Variants in TIMM50 observed in about 807,000 individuals in gnomAD.
TIMM50 encodes translocase of inner mitochondrial membrane 50.
TIMM50 carries 34 observed loss-of-function variants against 49.6 expected under a neutral mutation model. The observed-to-expected ratio is 0.69, with a 90% confidence interval of 0.52 to 0.91. The LOEUF (loss-of-function observed/expected upper bound fraction) is 0.91, where lower values mean the gene tolerates loss of function less well. Among genes scored for constraint, TIMM50 ranks in the 40% least tolerant of loss-of-function variants. The pLI, the probability that TIMM50 is intolerant of heterozygous loss-of-function variation, is 0.00. For missense variants in TIMM50, 458 were observed against 477.8 expected (o/e 0.96, Z 0.39); for synonymous variants, 199 against 198.4 (o/e 1.00, Z -0.03).
Position 39,490,088 on chromosome 19 carries a change from G to C in TIMM50, c.*268G>C. On this transcript the variant is annotated 3_prime_UTR_variant, in exon 11 of 11. Transcript: ENST00000607714. Reference sequence around the variant, plus strand: ...GTCTCGGAATCTAAAAACCCTCGCTGTGTCTTCCTGTGTGTTGCGTGATCT... The same window carrying C: ...GTCTCGGAATCTAAAAACCCTCGCTCTGTCTTCCTGTGTGTTGCGTGATCT... 2 of 511,094 alleles carry C rather than the reference G, an allele frequency of 3.9e-6. No individual in the cohort carries two copies. Among genetic ancestry groups the C allele is most frequent in the South Asian group, 5.4e-5 (2 of 37,330 alleles). The allele number at this position is 511,094 out of a possible 1,614,324, so 31.7% of individuals were successfully genotyped here. A position where few individuals can be genotyped will look rare whatever the true frequency, so the allele number is the denominator to read the frequency against.
chr19:39,490,068 G>A lies in TIMM50; in HGVS notation c.*248G>A, dbSNP rs1298055002. On this transcript the variant is annotated 3_prime_UTR_variant, in exon 11 of 11. Coordinates refer to ENST00000607714, the MANE Select transcript of TIMM50 (RefSeq NM_001001563.5). ...AGAGCAGATTTTTCACCCTGGTCTC[G>A]GAATCTAAAAACCCTCGCTGTGTCT... The A allele has an allele frequency of 1.3e-5, 7 of 537,184 alleles. No homozygotes were observed. In the South Asian group the frequency reaches 1.3e-4, roughly 10 times the overall value. 33.3% of individuals were successfully genotyped at this position (537,184 alleles called of 1,614,324 possible).
Position 39,488,521 on chromosome 19 carries a change from C to A in TIMM50, c.854-18C>A. ...GGCCTTTAGAAGCCTGGCTGACCAC[C>A]CCCTGTTGTGCCCACAGCCATTGCA... On this transcript the variant is annotated intron_variant, in intron 9 of 10. Coordinates refer to ENST00000607714, the MANE Select transcript of TIMM50 (RefSeq NM_001001563.5). The A allele has an allele frequency of 1.2e-6, 2 of 1,609,148 alleles. No homozygotes were observed. The highest frequency in any genetic ancestry group is 1.7e-6 in the Non-Finnish European group (2 of 1,177,046).
intron 1 of TIMM50, among the ~76,000 whole-genome samples, chr19:39,481,598 C>T (rs777180621): frequency 1.5e-4 from 23 of 152,170 alleles, no homozygotes; most frequent in Non-Finnish European, 2.6e-4. Context: ...CCTTATTCTC[C>T]GTGCTTTGCT....
chr19:39,483,455 G>A, intron 4 of TIMM50: 1 of 428,402 alleles, frequency 2.3e-6, no homozygotes, highest in Admixed American at 4.0e-5. Flanking sequence ...CTTAGACCAA[G>A]CATCTGCGGT....
At chr19:39,481,428 G>T (rs8106642) in intron 1 of TIMM50, 53,288 of 227,048 alleles carry the variant, frequency 0.23, 7,505 homozygotes, top group African/African-American at 0.4. Flanking sequence ...CCAGACAAGT[G>T]ATTGCCCTTC....
chr19:39,487,269 T>C (rs1425297260), intron 8 of TIMM50, among the ~76,000 whole-genome samples: 3 of 151,930 alleles, frequency 2.0e-5, no homozygotes, highest in African/African-American at 7.3e-5. Flanking sequence ...TCCTGGGGGT[T>C]GTTTTGTTTT....
In TIMM50 at chr19:39,489,574, C is replaced by T. The variant is rs1218398584; in HGVS notation, c.961-145C>T. 8 of 782,286 alleles carry T rather than the reference C, an allele frequency of 1.0e-5. No individual in the cohort carries two copies. In the African/African-American group the frequency reaches 1.4e-4, roughly 14 times the overall value. The allele number at this position is 782,286 out of a possible 1,614,324, so 48.5% of individuals were successfully genotyped here. On this transcript the variant is annotated intron_variant, in intron 10 of 10. Coordinates refer to ENST00000607714, the MANE Select transcript of TIMM50 (RefSeq NM_001001563.5). ...GTCCCTTGTGTCTGGGCTGGGGGCC[C>T]CAGGGTTTGGGGAAAGGGGTCTGGA...
At chr19:39,487,561 G>A (rs1366893013) in intron 8 of TIMM50, among the ~76,000 whole-genome samples, 2 of 152,032 alleles carry the variant, frequency 1.3e-5, no homozygotes, top group African/African-American at 2.4e-5. Context: ...AGGTTCAAGC[G>A]ATTCTCTTTC....
intron 6 of TIMM50, 186 bp downstream of exon 6, chr19:39,485,993 GC>G: frequency 8.9e-7 from 1 of 1,121,944 alleles, no homozygotes; most frequent in Non-Finnish European, 1.3e-6. Context: ...GTGTAGGTGT[GC>G]CCAGGCACGC....
At chr19:39,488,354 T>C in intron 9 of TIMM50, 137 bp downstream of exon 9, 1 of 1,181,076 alleles carries the variant, frequency 8.5e-7, no homozygotes, top group South Asian at 1.5e-5. Flanking sequence ...TAGGAGCTTC[T>C]TAGGATGTTC....
At chr19:39,487,792 A>G (rs796271957) in intron 8 of TIMM50, among the ~76,000 whole-genome samples, 8 of 152,058 alleles carry the variant, frequency 5.3e-5, no homozygotes, top group African/African-American at 1.9e-4. Flanking sequence ...GGGTTTCACC[A>G]TTTTAGCCAG....
At position 39,491,651 on chromosome 19, in the gene TIMM50, C is replaced by T. The variant is rs1412050890; in HGVS notation, c.*1831C>T. On this transcript the variant is annotated 3_prime_UTR_variant, in exon 11 of 11. Transcript: ENST00000607714. ...CCTGGGCAACATGGTGAAATCCTGC[C>T]TCTAAAAAAAAAACAAAGTAACGAG... The T allele has an allele frequency of 6.6e-6, 1 of 150,584 alleles. No homozygotes were observed. Among genetic ancestry groups the T allele is most frequent in the Non-Finnish European group, 1.5e-5 (1 of 67,752 alleles). 9.3% of individuals were successfully genotyped at this position (150,584 alleles called of 1,614,324 possible). A position where few individuals can be genotyped will look rare whatever the true frequency, so the allele number is the denominator to read the frequency against.
intron 1 of TIMM50, chr19:39,481,366 C>T (rs531332331): frequency 1.8e-5 from 5 of 285,252 alleles, no homozygotes; most frequent in African/African-American, 9.0e-5. Context: ...GACAGAGACC[C>T]AGCCATTCTG....
intron 1 of TIMM50, chr19:39,481,207 T>A: frequency 1.8e-6 from 1 of 549,496 alleles, no homozygotes; most frequent in Non-Finnish European, 3.1e-6. Context: ...GGGTTACCGT[T>A]CCCCGTTTCA....
In TIMM50 at chr19:39,489,798, G is replaced by A; in HGVS notation, c.1040G>A (p.Trp347Ter). 6.2e-7 allele frequency: 1 copy of A among 1,610,382 alleles called. No individual in the cohort carries two copies. Among genetic ancestry groups the A allele is most frequent in the African/African-American group, 1.3e-5 (1 of 75,026 alleles). ...CTTGGCTCCCTCACCAGCCGCTTGT[G>A]GCCTCGCTCCAAACAGCCCTGAACT... The part of the protein sequence containing the change: ...LFLGSLTSRL[W>*]PRSKQP Residue 347 changes from tryptophan (W) to a stop codon, truncating the protein, a stop_gained, in exon 11 of 11, where the codon TGG becomes TAG. Coordinates refer to ENST00000607714, the MANE Select transcript of TIMM50 (RefSeq NM_001001563.5). LOFTEE classifies it high-confidence loss of function.
Position 39,489,712 on chromosome 19 carries a change from A to T in TIMM50, c.961-7A>T, listed in dbSNP as rs748017710. The T allele has an allele frequency of 6.2e-7, 1 of 1,601,172 alleles. No individual in the cohort carries two copies. The highest frequency in any genetic ancestry group is 8.5e-7 in the Non-Finnish European group (1 of 1,174,488). On this transcript the variant is annotated splice_polypyrimidine_tract_variant and splice_region_variant and intron_variant, in intron 10 of 10. Transcript: ENST00000607714. Reference sequence around the variant, plus strand: ...GACCCTCTCCTCCAACTGTCCCCCTACCCCAGGAGGAGCAGCAGCGCCTGG... The same window carrying T: ...GACCCTCTCCTCCAACTGTCCCCCTTCCCCAGGAGGAGCAGCAGCGCCTGG...
At chr19:39,483,224 T>G in intron 4 of TIMM50, 68 bp downstream of exon 4, 2 of 1,598,136 alleles carry the variant, frequency 1.3e-6, no homozygotes, top group Non-Finnish European at 1.7e-6. Flanking sequence ...AGGATGTCTC[T>G]CTCCCCATCT....
At chr19:39,482,502 A>T (rs917351194) in intron 2 of TIMM50, among the ~76,000 whole-genome samples, 15 of 25,402 alleles carry the variant, frequency 5.9e-4, no homozygotes, top group Non-Finnish European at 8.6e-4. Flanking sequence ...CTAAAAATAC[A>T]AAAAAAAATT....
chr19:39,482,896 G>A lies in TIMM50; in HGVS notation c.271G>A (p.Val91Met). The A allele has an allele frequency of 6.2e-7, 1 of 1,614,100 alleles. No homozygotes were observed. The highest frequency in any genetic ancestry group is 1.3e-5 in the African/African-American group (1 of 75,040). ...GGTCTCCCTTGCAGGAAACAACCCG[G>A]TGGACGAAAATGGTGCCAAGGTGAG... ...SVVYIFGNNP[V>M]DENGAKIPDE... is the part of the protein sequence containing the mutation. The change falls in exon 3 of 11, where the codon GTG becomes ATG. Residue 91 changes from valine to methionine, a missense_variant. Transcript: ENST00000607714.
Sources: gnomAD v4.1 joint callset for allele counts (sites outside exome capture counted in the v4.1 genomes callset) on GRCh38, gnomAD v4.1.1 for gene constraint, MANE v1.5 for transcripts, NCBI Gene and HGNC (gene_info 2026-07-23, HGNC 2026-07-21) for gene names.